Variants in HTR4 observed in about 807,000 individuals in gnomAD.
HTR4 encodes 5-hydroxytryptamine receptor 4, also known as 5-hydroxytryptamine (serotonin) receptor 4, G protein-coupled.
A neutral mutation model predicts 36.8 loss-of-function variants in HTR4; 16 were observed. That is an observed-to-expected ratio of 0.43 (90% CI 0.29 to 0.66). The LOEUF (loss-of-function observed/expected upper bound fraction) is 0.66. HTR4 is among the 30% of genes least tolerant of loss of function. The pLI, the probability that HTR4 is intolerant of heterozygous loss-of-function variation, is 0.13. For missense variants in HTR4, 438 were observed against 490.9 expected, an observed-to-expected ratio of 0.89 and a Z score of 1.02; for synonymous variants, 189 against 185.1, an observed-to-expected ratio of 1.02 and a Z score of -0.17.
intron 1 of HTR4, among the ~76,000 whole-genome samples, chr5:148,638,390 T>TA (rs769983343): frequency 6.6e-6 from 1 of 152,222 alleles, no homozygotes; most frequent in Non-Finnish European, 1.5e-5. Flanking sequence ...TACAAAGCCC[T>TA]AACTATCGAA....
At chr5:148,583,341 G>A (rs944425648) in intron 2 of HTR4, among the ~76,000 whole-genome samples, 12 of 151,802 alleles carry the variant, frequency 7.9e-5, no homozygotes, top group African/African-American at 2.9e-4. Context: ...GCTAGATGAT[G>A]AGTTAGTGGG....
chr5:148,570,583 A>G (rs755118001), intron 2 of HTR4, among the ~76,000 whole-genome samples: 38 of 152,120 alleles, frequency 2.5e-4, no homozygotes, highest in Admixed American at 4.6e-4. Flanking sequence ...TTCGTCCAGC[A>G]ACTGAAAGGA....
At chr5:148,543,383 G>A (rs931271003) in intron 4 of HTR4, among the ~76,000 whole-genome samples, 2 of 152,184 alleles carry the variant, frequency 1.3e-5, no homozygotes, top group African/African-American at 4.8e-5. Flanking sequence ...CTTGTAGAGA[G>A]CCATGTCTGA....
In HTR4 at chr5:148,509,872, C is replaced by T. The variant is rs759146900; in HGVS notation, c.660G>A (p.Lys220=). The change falls in exon 6 of 7, where the codon AAG becomes AAA. Residue 220 remains lysine (K), a synonymous_variant. Coordinates refer to ENST00000377888, the MANE Select transcript of HTR4 (RefSeq NM_000870.7). ...LAYYRIYVTA[K]EHAHQIQMLQ... is the part of the protein sequence containing the mutation. ...ACATCTGGATCTGATGGGCATGCTCCTTAGCTGTGACATAGATGCGGTAAT... is the reference window on the plus strand; with the variant it reads ...ACATCTGGATCTGATGGGCATGCTCTTTAGCTGTGACATAGATGCGGTAAT... The T allele has an allele frequency of 1.6e-5, 26 of 1,613,852 alleles. No homozygotes were observed. In the African/African-American group the frequency reaches 3.2e-4, roughly 20 times the overall value.
In HTR4 at chr5:148,482,855, G is replaced by A. The variant is rs1755953105; in HGVS notation, c.*348C>T. 1.7e-6 allele frequency: 2 copies of A among 1,146,738 alleles called. No homozygotes were observed. The highest frequency in any genetic ancestry group is 7.7e-5 in the Admixed American group (2 of 25,868). The allele number at this position is 1,146,738 out of a possible 1,614,324, so 71.0% of individuals were successfully genotyped here. A position where few individuals can be genotyped will look rare whatever the true frequency, so the allele number is the denominator to read the frequency against. ...TTTGGAGACATCAGTGACCGAGATA[G>A]GACGCAGCAAGCTATCGTGCTTAGA... On this transcript the variant is annotated 3_prime_UTR_variant, in exon 7 of 7. Coordinates refer to ENST00000377888, the MANE Select transcript of HTR4 (RefSeq NM_000870.7).
intron 6 of HTR4, among the ~76,000 whole-genome samples, chr5:148,495,722 A>G (rs928714826): frequency 6.6e-6 from 1 of 152,244 alleles, no homozygotes; most frequent in Non-Finnish European, 1.5e-5. Flanking sequence ...GAGAGGCTTA[A>G]AGCATGACTG....
chr5:148,549,224 G>A (rs558858209), intron 3 of HTR4, among the ~76,000 whole-genome samples: 1 of 152,158 alleles, frequency 6.6e-6, no homozygotes, highest in Non-Finnish European at 1.5e-5. Context: ...TTCTTCCAAC[G>A]GTTGCCTGGT....
intron 6 of HTR4, 89 bp from the exon 7 acceptor site, chr5:148,483,382 ACT>A: frequency 3.5e-6 from 4 of 1,144,630 alleles, no homozygotes; most frequent in Non-Finnish European, 5.2e-6. Context: ...TGGCAGGAAC[ACT>A]CTGTGCCATG....
At chr5:148,613,745 C>T (rs1487533947) in intron 2 of HTR4, among the ~76,000 whole-genome samples, 4 of 147,984 alleles carry the variant, frequency 2.7e-5, no homozygotes, top group African/African-American at 7.4e-5. Context: ...CAAATTGTCC[C>T]TGTTTGCAGA....
In HTR4 at chr5:148,653,279, A is replaced by G. The variant is rs577946447; in HGVS notation, c.-48+783T>C. ...CATTTGATTGGACCAAATGGAAATC[A>G]AGCCAAGATTTTCTCTTAACATTGA... On this transcript the variant is annotated intron_variant, in intron 1 of 6. Coordinates refer to ENST00000377888, the MANE Select transcript of HTR4 (RefSeq NM_000870.7). Among the ~76,000 whole-genome samples the G allele has an allele frequency of 4.8e-4, 73 of 152,300 alleles. 1 individual carries two copies. The South Asian group carries it at 0.014, about 29-fold the overall frequency.
intron 2 of HTR4, among the ~76,000 whole-genome samples, chr5:148,597,934 G>A (rs1203340859): frequency 1.3e-5 from 2 of 152,124 alleles, no homozygotes; most frequent in African/African-American, 2.4e-5. Context: ...ATGAGCAAAT[G>A]GATTTTTAAA....
downstream of HTR4, among the ~76,000 whole-genome samples, chr5:148,474,981 G>T (rs1290133227): frequency 6.6e-6 from 1 of 151,814 alleles, no homozygotes; most frequent in African/African-American, 2.4e-5. Flanking sequence ...GGAGGCAGAG[G>T]TTGCAGTGAG....
Position 148,546,239 on chromosome 5 carries a change from G to A in HTR4, c.353+2429C>T, listed in dbSNP as rs537283564. Among the ~76,000 whole-genome samples the A allele has an allele frequency of 2.0e-5, 3 of 152,252 alleles. No individual in the cohort carries two copies. In the South Asian group the frequency reaches 6.2e-4, roughly 32 times the overall value. On this transcript the variant is annotated intron_variant, in intron 4 of 6. Coordinates refer to ENST00000377888, the MANE Select transcript of HTR4 (RefSeq NM_000870.7). ...ATGAACAACAACATCCACTAACATG[G>A]AATATTGTGACAAGCTGGGCCAAAG... is the stretch of plus-strand genomic sequence containing the variant.
intron 2 of HTR4, among the ~76,000 whole-genome samples, chr5:148,608,920 T>A (rs1752291623): frequency 6.6e-6 from 1 of 152,196 alleles, no homozygotes; most frequent in Admixed American, 6.5e-5. Flanking sequence ...TCTTCGGCCA[T>A]CAACTCCCAG....
chr5:148,635,945 T>C (rs1753519649), intron 2 of HTR4, among the ~76,000 whole-genome samples: 1 of 152,176 alleles, frequency 6.6e-6, no homozygotes, highest in African/African-American at 2.4e-5. Context: ...AAAAATACAG[T>C]CTCTTTGTAT....
At chr5:148,514,824 A>G (rs1222089026) in intron 5 of HTR4, among the ~76,000 whole-genome samples, 1 of 152,136 alleles carries the variant, frequency 6.6e-6, no homozygotes. Flanking sequence ...TTATTCTATC[A>G]CTAATAATAG....
intron 6 of HTR4, among the ~76,000 whole-genome samples, chr5:148,499,904 C>T (rs1756860043): frequency 6.6e-6 from 1 of 152,118 alleles, no homozygotes; most frequent in South Asian, 2.1e-4. Flanking sequence ...CCCCTTCTTG[C>T]CTTGAGACAT....
At chr5:148,587,537 C>A (rs1245424367) in intron 2 of HTR4, among the ~76,000 whole-genome samples, 1 of 152,150 alleles carries the variant, frequency 6.6e-6, no homozygotes, top group African/African-American at 2.4e-5. Flanking sequence ...GCTGAGCCCA[C>A]CTTTCTCAGG....
At chr5:148,514,068 A>AT (rs1757620607) in intron 5 of HTR4, among the ~76,000 whole-genome samples, 1 of 152,046 alleles carries the variant, frequency 6.6e-6, no homozygotes, top group Admixed American at 6.6e-5. Context: ...TGGCAGTTAC[A>AT]TTTTTTTCTC....
Sources: allele counts gnomAD v4.1 joint callset (sites outside exome capture counted in the v4.1 genomes callset), GRCh38; gene constraint gnomAD v4.1.1; transcripts MANE v1.5; gene names NCBI Gene and HGNC (gene_info 2026-07-23, HGNC 2026-07-21).